The following MAP2 variants were observed in gnomAD, a reference collection of about 807,000 sequenced individuals.
MAP2 encodes the protein microtubule-associated protein 2.
Under a neutral mutation model 137.6 loss-of-function variants are expected in MAP2, and 14 were observed. The observed-to-expected ratio is 0.10, with a 90% CI of 0.07 to 0.16. The LOEUF (loss-of-function observed/expected upper bound fraction) is 0.16. MAP2 is among the 10% of genes least tolerant of loss of function. The pLI is 1.00. For missense variants in MAP2, 2,088 were observed against 2,191.5 expected (o/e 0.95, Z 0.94); for synonymous variants, 786 against 782.3 (o/e 1.00, Z -0.08).
rs2075832078 is a variant in MAP2 at position 209,731,962 on chromosome 2, A to G, written c.*1565A>G. 6.6e-6 allele frequency: 1 copy of G among 152,196 alleles called. No individual in the cohort carries two copies. Among genetic ancestry groups the G allele is most frequent in the South Asian group, 2.1e-4 (1 of 4,834 alleles). The allele number at this position is 152,196 out of a possible 1,614,324, so 9.4% of individuals were successfully genotyped here. On this transcript the variant is annotated 3_prime_UTR_variant, in exon 16 of 16. Coordinates refer to ENST00000682079, the MANE Select transcript of MAP2 (RefSeq NM_001375505.1). ...TATACAGTCTAGAACTCACAAATCA[A>G]TTAGTTCCTCTCACAAATCATTCAT...
At chr2:209,559,219 C>T (rs1255715958) in intron 2 of MAP2, among the ~76,000 whole-genome samples, 3 of 151,972 alleles carry the variant, frequency 2.0e-5, no homozygotes, top group Admixed American at 6.6e-5. Flanking sequence ...CTCTCCCCGC[C>T]GACGCCTCCT....
chr2:209,730,721 A>C lies in MAP2; in HGVS notation c.*324A>C, dbSNP rs2075676109. On this transcript the variant is annotated 3_prime_UTR_variant, in exon 16 of 16. Transcript: ENST00000682079. Reference sequence around the variant, plus strand: ...CATGTGCCTGAAGGCTATCCACTACATTCTGAAGGCCTTGTTAAAATCCAA... The same window carrying C: ...CATGTGCCTGAAGGCTATCCACTACCTTCTGAAGGCCTTGTTAAAATCCAA... 4.2e-6 allele frequency: 1 copy of C among 236,952 alleles called. No homozygotes were observed. The allele number at this position is 236,952 out of a possible 1,614,324, so 14.7% of individuals were successfully genotyped here. A position where few individuals can be genotyped will look rare whatever the true frequency, so the allele number is the denominator to read the frequency against.
At chr2:209,707,129 T>A (rs776444341) in intron 12 of MAP2, among the ~76,000 whole-genome samples, 2 of 152,190 alleles carry the variant, frequency 1.3e-5, no homozygotes, top group Non-Finnish European at 2.9e-5. Flanking sequence ...TCTTGAATTA[T>A]ACTTGTATTT....
chr2:209,721,401 T>A (rs2070860903), intron 13 of MAP2, among the ~76,000 whole-genome samples: 1 of 152,192 alleles, frequency 6.6e-6, no homozygotes, highest in South Asian at 2.1e-4. Context: ...AAGGATAGGA[T>A]TGCTTCATAT....
intron 3 of MAP2, among the ~76,000 whole-genome samples, chr2:209,595,338 C>T (rs2080953428): frequency 6.6e-6 from 1 of 152,108 alleles, no homozygotes; most frequent in African/African-American, 2.4e-5. Context: ...TTGATTTTAT[C>T]TGGCTTCAGT....
At position 209,618,615 on chromosome 2, in the gene MAP2, A is replaced by G. The variant is rs901946852; in HGVS notation, c.-106-6438A>G. ...TTGGTGTTCTGTTTGAATGGCTGTTATCAAAAAGACAATATATAAGTGTTG... is the reference window on the plus strand; with the variant it reads ...TTGGTGTTCTGTTTGAATGGCTGTTGTCAAAAAGACAATATATAAGTGTTG... On this transcript the variant is annotated intron_variant, in intron 3 of 15. Coordinates refer to ENST00000682079, the MANE Select transcript of MAP2 (RefSeq NM_001375505.1). Among the ~76,000 whole-genome samples, 7 of 152,140 alleles carry G rather than the reference A, an allele frequency of 4.6e-5. 1 individual carries two copies. Among genetic ancestry groups the G allele is most frequent in the African/African-American group, 1.7e-4 (7 of 41,436 alleles).
rs372767065 is a variant in MAP2 at position 209,696,397 on chromosome 2, A to T, written c.4180+47A>T. Reference sequence around the variant, plus strand: ...ATTTTAACTCAAACACAATAACCTTATGGGAATTTTTTTTCACTTAAACAT... The same window carrying T: ...ATTTTAACTCAAACACAATAACCTTTTGGGAATTTTTTTTCACTTAAACAT... On this transcript the variant is annotated intron_variant, in intron 8 of 15. Transcript: ENST00000682079. 60 of 1,518,150 alleles carry T rather than the reference A, an allele frequency of 4.0e-5. No homozygotes were observed. The African/African-American group carries it at 7.8e-4, about 20-fold the overall frequency. 94.0% of individuals were successfully genotyped at this position (1,518,150 alleles called of 1,614,324 possible).
At chr2:209,679,519 T>A (rs2053604414) in intron 6 of MAP2, among the ~76,000 whole-genome samples, 1 of 142,134 alleles carries the variant, frequency 7.0e-6, no homozygotes, top group Admixed American at 6.7e-5. Context: ...CATAGAAAGG[T>A]GTGTTTTTAA....
chr2:209,451,823 T>G (rs2149488356), intron 1 of MAP2, among the ~76,000 whole-genome samples: 1 of 152,328 alleles, frequency 6.6e-6, no homozygotes, highest in South Asian at 2.1e-4. Flanking sequence ...GGGGACTCAG[T>G]AAGGACTTTA....
intron 1 of MAP2, among the ~76,000 whole-genome samples, chr2:209,438,075 T>C (rs1268673754): frequency 6.6e-6 from 1 of 151,630 alleles, no homozygotes; most frequent in African/African-American, 2.4e-5. Context: ...GTTATGGTAG[T>C]GAAATATATA....
Position 209,617,819 on chromosome 2 carries a change from ATTAAT to A in MAP2, c.-106-7233_-106-7229del, listed in dbSNP as rs572220138. 1.3e-3 allele frequency among the ~76,000 whole-genome samples: 203 copies of A among 152,306 alleles called. 2 individuals are homozygous for A. Among genetic ancestry groups the A allele is most frequent in the Non-Finnish European group, 2.3e-3 (155 of 68,006 alleles). ...ATAATACAGTCCACAAAGGGTATAA[ATTAAT>A]AACTCTTCAGAGACACTTTGGCAGC... is the stretch of plus-strand genomic sequence containing the variant. On this transcript the variant is annotated intron_variant, in intron 3 of 15. Transcript: ENST00000682079.
intron 2 of MAP2, among the ~76,000 whole-genome samples, chr2:209,537,901 A>T (rs1230610001): frequency 6.6e-6 from 1 of 152,192 alleles, no homozygotes; most frequent in Non-Finnish European, 1.5e-5. Context: ...AATAATAATA[A>T]TATCAACAAT....
chr2:209,649,243 C>T (rs1264996433), intron 4 of MAP2, among the ~76,000 whole-genome samples: 6 of 152,018 alleles, frequency 3.9e-5, no homozygotes, highest in Non-Finnish European at 8.8e-5. Context: ...TCTTGAACTC[C>T]TGGACTCAAG....
rs370849157 is a variant in MAP2 at position 209,572,797 on chromosome 2, A to G, written c.-171-7239A>G. 2.2e-4 allele frequency among the ~76,000 whole-genome samples: 34 copies of G among 152,318 alleles called. 2 individuals carry two copies. The East Asian group carries it at 4.4e-3, about 20-fold the overall frequency. On this transcript the variant is annotated intron_variant, in intron 2 of 15. Coordinates refer to ENST00000682079, the MANE Select transcript of MAP2 (RefSeq NM_001375505.1). ...TAACTCAGCTTCGTTGATGGTGTAT[A>G]GTTAATACTTTTTATAGTTTTCTAT... is the stretch of plus-strand genomic sequence containing the variant.
intron 5 of MAP2, among the ~76,000 whole-genome samples, chr2:209,667,814 A>T (rs943719174): frequency 7.9e-5 from 12 of 151,888 alleles, no homozygotes; most frequent in African/African-American, 2.7e-4. Context: ...ATATCTGCCT[A>T]CCTAGGACCG....
At chr2:209,601,867 C>A (rs1402912320) in intron 3 of MAP2, among the ~76,000 whole-genome samples, 1 of 152,158 alleles carries the variant, frequency 6.6e-6, no homozygotes, top group African/African-American at 2.4e-5. Context: ...AAGTCTCACC[C>A]TTTGTATCTA....
At chr2:209,476,397 G>GTTTTTTTTTTT (rs5838170) in intron 1 of MAP2, among the ~76,000 whole-genome samples, 1 of 143,686 alleles carries the variant, frequency 7.0e-6, no homozygotes. Flanking sequence ...GTTTTTCTTA[G>GTTTTTTTTTTT]TTTTTTTTTT....
intron 13 of MAP2, among the ~76,000 whole-genome samples, chr2:209,711,036 A>C (rs906159186): frequency 1.3e-5 from 2 of 152,194 alleles, no homozygotes; most frequent in Non-Finnish European, 2.9e-5. Context: ...TTTAATGTTT[A>C]TCTCATAATA....
chr2:209,449,721 A>G (rs1303062668), intron 1 of MAP2, among the ~76,000 whole-genome samples: 1 of 152,152 alleles, frequency 6.6e-6, no homozygotes, highest in African/African-American at 2.4e-5. Context: ...CTATATTGCA[A>G]GTAGTCTTGA....
Sources: gnomAD v4.1 joint callset for allele counts (sites outside exome capture counted in the v4.1 genomes callset) on GRCh38, gnomAD v4.1.1 for gene constraint, MANE v1.5 for transcripts, NCBI Gene and HGNC (gene_info 2026-07-23, HGNC 2026-07-21) for gene names.